The following ZBTB8A variants were observed in gnomAD, a reference collection of about 807,000 sequenced individuals.
ZBTB8A encodes the protein zinc finger and BTB domain containing 8A, also known as zinc finger and BTB domain-containing protein 8A.
Under a neutral mutation model 37.8 loss-of-function variants are expected in ZBTB8A, and 19 were observed. The observed-to-expected ratio is 0.50, with a 90% CI of 0.35 to 0.74. The LOEUF (loss-of-function observed/expected upper bound fraction) is 0.74, where lower values mean the gene tolerates loss of function less well. Among genes scored for constraint, ZBTB8A ranks in the 30% least tolerant of loss-of-function variants. The pLI is 0.01. For missense variants in ZBTB8A, 394 were observed against 537.8 expected, an observed-to-expected ratio of 0.73 and a Z score of 2.65; for synonymous variants, 181 against 185.2, an observed-to-expected ratio of 0.98 and a Z score of 0.19.
chr1:32,574,272 C>T (rs1029877221), intron 2 of ZBTB8A, among the ~76,000 whole-genome samples: 4 of 151,914 alleles, frequency 2.6e-5, no homozygotes, highest in African/African-American at 7.3e-5. Flanking sequence ...TGTATATGGT[C>T]AAAGAACATA....
Position 32,600,714 on chromosome 1 carries a change from CTTT to C in ZBTB8A, c.*297_*299del, listed in dbSNP as rs1412052272. On this transcript the variant is annotated 3_prime_UTR_variant, in exon 5 of 5. Transcript: ENST00000373510. ...TACTTTATTCCAGAGATACCTTTTT[CTTT>C]TAATATTGGAGGATCTACTTAGCAA... 4.2e-6 allele frequency: 1 copy of C among 236,092 alleles called. No individual in the cohort carries two copies. The highest frequency in any genetic ancestry group is 8.9e-5 in the East Asian group (1 of 11,226). 14.6% of individuals were successfully genotyped at this position (236,092 alleles called of 1,614,324 possible).
intron 2 of ZBTB8A, among the ~76,000 whole-genome samples, chr1:32,580,655 G>A (rs1644396412): frequency 1.3e-5 from 2 of 152,126 alleles, no homozygotes; most frequent in Admixed American, 1.3e-4. Context: ...TTTTCGGAAG[G>A]CCGTTTGTCA....
At position 32,600,338 on chromosome 1, in the gene ZBTB8A, TGG is replaced by T. The variant is rs1557720260; in HGVS notation, c.1247_1248del (p.Gly416ValfsTer3). On this transcript the variant is annotated frameshift_variant, in exon 5 of 5. Coordinates refer to ENST00000373510, the MANE Select transcript of ZBTB8A (RefSeq NM_001040441.3). LOFTEE classifies it high-confidence loss of function. ...GATCCTATGTGGAGATTGTAGAAGA[TGG>T]GTCTGCTGATCTGGTCATCCAACAG... The part of the protein sequence containing the change: ...NRSYVEIVED[G>X]SADLVIQQVD... 4 of 1,614,130 alleles carry T rather than the reference TGG, an allele frequency of 2.5e-6. No individual in the cohort carries two copies. Among genetic ancestry groups the T allele is most frequent in the Non-Finnish European group, 3.4e-6 (4 of 1,180,012 alleles).
chr1:32,571,935 A>G (rs1365288283), intron 2 of ZBTB8A, among the ~76,000 whole-genome samples: 2 of 151,298 alleles, frequency 1.3e-5, no homozygotes, highest in African/African-American at 4.9e-5. Flanking sequence ...ACGGAATCTC[A>G]TTCTGTCACC....
intron 2 of ZBTB8A, among the ~76,000 whole-genome samples, chr1:32,588,378 C>A (rs1172902481): frequency 6.6e-6 from 1 of 151,952 alleles, no homozygotes; most frequent in Non-Finnish European, 1.5e-5. Context: ...GAGCTGATTG[C>A]TTGCTTGGTG....
intron 2 of ZBTB8A, among the ~76,000 whole-genome samples, chr1:32,585,147 C>T (rs1024935417): frequency 4.7e-5 from 7 of 149,976 alleles, no homozygotes; most frequent in Admixed American, 6.7e-5. Flanking sequence ...CCTCCTACCT[C>T]GGCCTCCCAA....
intron 2 of ZBTB8A, among the ~76,000 whole-genome samples, chr1:32,582,558 G>A (rs1310233928): frequency 6.6e-6 from 1 of 152,050 alleles, no homozygotes; most frequent in East Asian, 1.9e-4. Context: ...TGAGACAGGA[G>A]AATCGCTTGA....
chr1:32,550,882 G>A (rs746947952), intron 1 of ZBTB8A, among the ~76,000 whole-genome samples: 3 of 151,686 alleles, frequency 2.0e-5, no homozygotes, highest in Admixed American at 6.6e-5. Flanking sequence ...GCTTGAACCC[G>A]GGAGGCGGAG....
chr1:32,599,241 G>A (rs1359816573), intron 4 of ZBTB8A, among the ~76,000 whole-genome samples: 1 of 146,538 alleles, frequency 6.8e-6, no homozygotes, highest in African/African-American at 2.5e-5. Flanking sequence ...GGAAAACATA[G>A]TGAGACCCTT....
At chr1:32,539,998 GTC>G (rs979440726) in intron 1 of ZBTB8A, among the ~76,000 whole-genome samples, 11 of 151,650 alleles carry the variant, frequency 7.3e-5, no homozygotes, top group African/African-American at 1.9e-4. Flanking sequence ...CGGGGCCGGA[GTC>G]TCTGCGGGCG....
intron 1 of ZBTB8A, among the ~76,000 whole-genome samples, chr1:32,543,018 A>G (rs1428725451): frequency 1.3e-5 from 2 of 152,186 alleles, no homozygotes; most frequent in African/African-American, 4.8e-5. Flanking sequence ...TTATGTTAAA[A>G]TCCTTTCAAT....
chr1:32,578,847 G>A (rs1340903915), intron 2 of ZBTB8A, among the ~76,000 whole-genome samples: 1 of 151,950 alleles, frequency 6.6e-6, no homozygotes, highest in Non-Finnish European at 1.5e-5. Flanking sequence ...TCAAGTAGGC[G>A]GGACTACAGC....
Position 32,595,047 on chromosome 1 carries a change from T to G in ZBTB8A, c.824-7T>G, listed in dbSNP as rs774374823. On this transcript the variant is annotated splice_polypyrimidine_tract_variant and splice_region_variant and intron_variant, in intron 3 of 4. Coordinates refer to ENST00000373510, the MANE Select transcript of ZBTB8A (RefSeq NM_001040441.3). Reference sequence around the variant, plus strand: ...TCCAGTGATTTAATCAAAGCGTCTCTTGACAGATGATCTGCCTCGGATGCG... The same window carrying G: ...TCCAGTGATTTAATCAAAGCGTCTCGTGACAGATGATCTGCCTCGGATGCG... The G allele has an allele frequency of 6.2e-7, 1 of 1,612,698 alleles. No homozygotes were observed. The highest frequency in any genetic ancestry group is 8.5e-7 in the Non-Finnish European group (1 of 1,179,292).
chr1:32,544,596 C>T (rs1644087747), intron 1 of ZBTB8A, among the ~76,000 whole-genome samples: 1 of 152,204 alleles, frequency 6.6e-6, no homozygotes, highest in African/African-American at 2.4e-5. Flanking sequence ...ACTCAGGAGG[C>T]TGAGGCAGGA....
chr1:32,558,608 G>T (rs558585008), intron 2 of ZBTB8A, among the ~76,000 whole-genome samples: 1 of 152,156 alleles, frequency 6.6e-6, no homozygotes, highest in South Asian at 2.1e-4. Context: ...TAGTCTCCAA[G>T]TCTGAAGGAT....
chr1:32,603,464 T>G lies in ZBTB8A; in HGVS notation c.*3045T>G, dbSNP rs928979803. ...TCTTAACAATTAAAGTGTATCTGAA[T>G]GAGGAAGGAAACGCTTGTCATTCTC... On this transcript the variant is annotated 3_prime_UTR_variant, in exon 5 of 5. Transcript: ENST00000373510. 4 of 152,256 alleles carry G rather than the reference T, an allele frequency of 2.6e-5. No individual in the cohort carries two copies. The highest frequency in any genetic ancestry group is 9.6e-5 in the African/African-American group (4 of 41,468). The allele number at this position is 152,256 out of a possible 1,614,324, so 9.4% of individuals were successfully genotyped here. A position where few individuals can be genotyped will look rare whatever the true frequency, so the allele number is the denominator to read the frequency against.
intron 2 of ZBTB8A, among the ~76,000 whole-genome samples, chr1:32,561,273 TTTC>T (rs1366471982): frequency 4.9e-4 from 74 of 152,334 alleles, no homozygotes; most frequent in African/African-American, 1.7e-3. Context: ...CTCTTCTTTT[TTTC>T]TGAGTGAAAA....
intron 1 of ZBTB8A, among the ~76,000 whole-genome samples, chr1:32,550,132 C>T (rs572021581): frequency 3.3e-5 from 5 of 151,170 alleles, no homozygotes; most frequent in African/African-American, 9.7e-5. Context: ...CCGAGGTGGG[C>T]GGATCTCTTG....
At chr1:32,565,961 G>C (rs938130397) in intron 2 of ZBTB8A, among the ~76,000 whole-genome samples, 1 of 152,084 alleles carries the variant, frequency 6.6e-6, no homozygotes, top group African/African-American at 2.4e-5. Flanking sequence ...CAGCACTTTG[G>C]GAGGCTGAGG....
Sources: gnomAD v4.1 joint callset for allele counts (sites outside exome capture counted in the v4.1 genomes callset) on GRCh38, gnomAD v4.1.1 for gene constraint, MANE v1.5 for transcripts, NCBI Gene and HGNC (gene_info 2026-07-23, HGNC 2026-07-21) for gene names.